The following CCNT2 variants were observed in gnomAD, a reference collection of about 807,000 sequenced individuals.
The protein encoded by CCNT2 is cyclin-T2.
A neutral mutation model predicts 70.0 loss-of-function variants in CCNT2; 18 were observed. The observed-to-expected ratio is 0.26, with a 90% CI of 0.18 to 0.38. The LOEUF (loss-of-function observed/expected upper bound fraction) is 0.38. Among genes scored for constraint, CCNT2 ranks in the 10% least tolerant of loss-of-function variants. The pLI is 1.00. For missense variants in CCNT2, 734 were observed against 890.2 expected (o/e 0.82, Z 2.23); for synonymous variants, 334 against 313.3 (o/e 1.07, Z -0.70).
At chr2:134,945,646 G>C (rs958605843) in intron 5 of CCNT2, 1 of 1,215,060 alleles carries the variant, frequency 8.2e-7, no homozygotes, top group Non-Finnish European at 1.0e-6. Context: ...TGGGGTGGGG[G>C]TTTGTTTTGT....
intron 4 of CCNT2, among the ~76,000 whole-genome samples, chr2:134,940,616 C>T (rs1463958859): frequency 6.6e-6 from 1 of 152,176 alleles, no homozygotes; most frequent in Non-Finnish European, 1.5e-5. Context: ...GTTGCTATTG[C>T]AGTGAGCTCA....
At chr2:134,922,495 G>C (rs1210968107) in intron 2 of CCNT2, among the ~76,000 whole-genome samples, 1 of 152,040 alleles carries the variant, frequency 6.6e-6, no homozygotes, top group African/African-American at 2.4e-5. Flanking sequence ...GAGTTCTTTT[G>C]TCAGTTACTC....
intron 4 of CCNT2, among the ~76,000 whole-genome samples, chr2:134,942,048 A>G (rs1272124183): frequency 6.6e-6 from 1 of 151,970 alleles, no homozygotes; most frequent in Non-Finnish European, 1.5e-5. Context: ...TAAACATTTC[A>G]TCTTTGGTAT....
intron 5 of CCNT2, chr2:134,945,595 T>C: frequency 1.0e-6 from 1 of 985,412 alleles, no homozygotes; most frequent in Non-Finnish European, 1.2e-6. Flanking sequence ...TGATGCTTAA[T>C]AGCATGATGA....
At position 134,956,092 on chromosome 2, in the gene CCNT2, A is replaced by T. The variant is rs1682905407; in HGVS notation, c.*1444A>T. The T allele has an allele frequency of 6.6e-6, 1 of 152,610 alleles. No individual in the cohort carries two copies. The highest frequency in any genetic ancestry group is 1.5e-5 in the Non-Finnish European group (1 of 68,012). The allele number at this position is 152,610 out of a possible 1,614,324, so 9.5% of individuals were successfully genotyped here. ...TAATCTTGAATTTATTCTGTGGTAA[A>T]TCTTTTGAGTTGTTGAGTATATTTG... On this transcript the variant is annotated 3_prime_UTR_variant, in exon 9 of 9. Coordinates refer to ENST00000264157, the MANE Select transcript of CCNT2 (RefSeq NM_058241.3).
At chr2:134,919,062 C>T (rs1397941984) in intron 1 of CCNT2, 50 bp downstream of exon 1, 1 of 1,529,746 alleles carries the variant, frequency 6.5e-7, no homozygotes, top group Non-Finnish European at 8.8e-7. Context: ...CTTGCCCGGT[C>T]GCCGGGCCTG....
chr2:134,945,880 G>T (rs775178287), intron 5 of CCNT2: 1 of 1,509,856 alleles, frequency 6.6e-7, no homozygotes. Context: ...AAATCGGCTT[G>T]TTTCTCAGAT....
intron 3 of CCNT2, among the ~76,000 whole-genome samples, chr2:134,937,269 A>G (rs45477991): frequency 9.4e-4 from 143 of 152,328 alleles, no homozygotes; most frequent in African/African-American, 3.0e-3. Context: ...GGTAAGTCCT[A>G]TCACCTCCGC....
intron 5 of CCNT2, chr2:134,943,328 T>TA: frequency 5.4e-6 from 3 of 558,734 alleles, no homozygotes; most frequent in Non-Finnish European, 6.8e-6. Flanking sequence ...TTGAGCCCAG[T>TA]AGTTGGAGGT....
In CCNT2 at chr2:134,939,013, A is replaced by C; in HGVS notation, c.381A>C (p.Gln127His). 6.2e-7 allele frequency: 1 copy of C among 1,608,510 alleles called. No homozygotes were observed. Among genetic ancestry groups the C allele is most frequent in the Non-Finnish European group, 8.5e-7 (1 of 1,175,456 alleles). The part of the protein sequence containing the change: ...LLDTKCDAYL[Q>H]QTQELVILET... ...TTTTTATCTGACAGGCTTACCTTCA[A>C]CAGACTCAAGAACTGGTTATACTTG... Residue 127 changes from glutamine (Q) to histidine (H), a missense_variant, in exon 4 of 9, where the codon CAA (glutamine) becomes CAC (histidine). Gln to His is a conservative substitution (Grantham distance 24, BLOSUM62 0). This residue lies in a region of CCNT2 where 161 missense variants were observed against 303.8 expected (regional missense o/e 0.53). Transcript: ENST00000264157.
chr2:134,930,866 T>G (rs1402792504), intron 2 of CCNT2, among the ~76,000 whole-genome samples: 1 of 152,174 alleles, frequency 6.6e-6, no homozygotes, highest in African/African-American at 2.4e-5. Context: ...TCATAAAGAT[T>G]TATTTGTCTT....
intron 5 of CCNT2, chr2:134,943,572 T>C: frequency 1.0e-6 from 1 of 985,286 alleles, no homozygotes; most frequent in Non-Finnish European, 1.2e-6. Context: ...GATGTGCCTG[T>C]TAAGCGTCTT....
chr2:134,955,808 CAAT>C lies in CCNT2; in HGVS notation c.*1163_*1165del, dbSNP rs1573876359. The C allele has an allele frequency of 4.2e-5, 6 of 143,864 alleles. No individual in the cohort carries two copies. Among genetic ancestry groups the C allele is most frequent in the Non-Finnish European group, 9.4e-5 (6 of 64,096 alleles). 8.9% of individuals were successfully genotyped at this position (143,864 alleles called of 1,614,324 possible). A position where few individuals can be genotyped will look rare whatever the true frequency, so the allele number is the denominator to read the frequency against. ...TGCTCTCAATTCTTTTATATTCTAA[CAAT>C]AAATAAAAAAGAAAAGATTACTGAC... On this transcript the variant is annotated 3_prime_UTR_variant, in exon 9 of 9. Coordinates refer to ENST00000264157, the MANE Select transcript of CCNT2 (RefSeq NM_058241.3).
At chr2:134,949,068 TGGA>T (rs1185117051) in intron 7 of CCNT2, among the ~76,000 whole-genome samples, 3 of 152,090 alleles carry the variant, frequency 2.0e-5, no homozygotes, top group African/African-American at 7.2e-5. Context: ...CCCCCCAAGC[TGGA>T]GCGCAGTGGT....
At chr2:134,948,110 A>T (rs1007758049) in intron 7 of CCNT2, among the ~76,000 whole-genome samples, 5 of 152,032 alleles carry the variant, frequency 3.3e-5, no homozygotes, top group Admixed American at 3.3e-4. Flanking sequence ...ACTTGAGCCC[A>T]GGAGTTCAAG....
chr2:134,927,305 AT>A (rs940501704), intron 2 of CCNT2, among the ~76,000 whole-genome samples: 4 of 151,522 alleles, frequency 2.6e-5, no homozygotes, highest in Non-Finnish European at 4.4e-5. Flanking sequence ...GCGGCTTAAA[AT>A]TTTTTTTTGC....
chr2:134,945,252 A>G, intron 5 of CCNT2: 1 of 985,382 alleles, frequency 1.0e-6, no homozygotes, highest in Non-Finnish European at 1.2e-6. Context: ...GGACGGTTAG[A>G]GGGGTGGAGT....
At chr2:134,929,135 T>C (rs948693223) in intron 2 of CCNT2, among the ~76,000 whole-genome samples, 6 of 152,254 alleles carry the variant, frequency 3.9e-5, no homozygotes, top group Non-Finnish European at 8.8e-5. Flanking sequence ...CAAAAAGTTA[T>C]TTGCTGTTTA....
At chr2:134,952,504 G>C (rs866242940) in intron 7 of CCNT2, 137 bp from the exon 8 acceptor site, 1 of 516,776 alleles carries the variant, frequency 1.9e-6, no homozygotes, top group Non-Finnish European at 3.5e-6. Flanking sequence ...GTGTACTTCT[G>C]TGTATGCTGA....
Sources: gnomAD v4.1 joint callset for allele counts (sites outside exome capture counted in the v4.1 genomes callset) on GRCh38, gnomAD v4.1.1 for gene constraint, gnomAD v4.1.1 regional missense constraint, MANE v1.5 for transcripts, NCBI Gene and HGNC (gene_info 2026-07-23, HGNC 2026-07-21) for gene names.